DPP10: variants seen among roughly 807,000 people sequenced by gnomAD.
The protein encoded by DPP10 is inactive dipeptidyl peptidase 10.
In DPP10, 33 loss-of-function variants were observed where a neutral mutation model predicts 120.9. The observed-to-expected ratio is 0.27, with a 90% confidence interval of 0.21 to 0.37. The LOEUF is 0.37. DPP10 is among the 10% of genes least tolerant of loss of function. DPP10 has a pLI of 1.00. For missense variants in DPP10, 816 were observed against 942.8 expected, an observed-to-expected ratio of 0.87 and a Z score of 1.76; for synonymous variants, 337 against 326.1, an observed-to-expected ratio of 1.03 and a Z score of -0.36.
At chr2:115,177,090 C>G (rs907559501) in intron 1 of DPP10, among the ~76,000 whole-genome samples, 39 of 152,118 alleles carry the variant, frequency 2.6e-4, no homozygotes, top group African/African-American at 9.2e-4. Context: ...TTTTTAAATT[C>G]GTTTGTCATC....
chr2:114,925,750 G>A, intron 1 of DPP10, among the ~76,000 whole-genome samples: 1 of 152,150 alleles, frequency 6.6e-6, no homozygotes, highest in Non-Finnish European at 1.5e-5. Flanking sequence ...ATGTGTACGT[G>A]CAGGGATATG....
intron 1 of DPP10, among the ~76,000 whole-genome samples, chr2:114,523,833 C>CT (rs967557488): frequency 6.6e-6 from 1 of 152,292 alleles, no homozygotes; most frequent in Admixed American, 6.5e-5. Context: ...TCCCATCCCC[C>CT]TTTTCTCTCT....
At chr2:114,601,171 A>G (rs1487290740) in intron 1 of DPP10, among the ~76,000 whole-genome samples, 1 of 151,676 alleles carries the variant, frequency 6.6e-6, no homozygotes, top group Non-Finnish European at 1.5e-5. Context: ...CATGCTTGGC[A>G]CTCTAATGAC....
chr2:114,758,419 G>A (rs1679983342), intron 1 of DPP10, among the ~76,000 whole-genome samples: 1 of 152,020 alleles, frequency 6.6e-6, no homozygotes. Flanking sequence ...CCGATCTGAG[G>A]GTTTTTTCCC....
chr2:115,791,234 G>C (rs1296456999), intron 18 of DPP10, 53 bp from the exon 19 acceptor site: 1 of 1,605,856 alleles, frequency 6.2e-7, no homozygotes. Context: ...GCGTCTTATA[G>C]TTTTACCTGC....
At chr2:114,926,908 T>C (rs561801638) in intron 1 of DPP10, among the ~76,000 whole-genome samples, 23 of 148,262 alleles carry the variant, frequency 1.6e-4, no homozygotes, top group African/African-American at 5.5e-4. Context: ...TGGAGAGCAG[T>C]GGTGCGATCT....
chr2:115,811,950 C>A (rs1395092679), intron 19 of DPP10, among the ~76,000 whole-genome samples: 1 of 152,104 alleles, frequency 6.6e-6, no homozygotes, highest in Non-Finnish European at 1.5e-5. Context: ...GCAAAATTTT[C>A]TTCAAGTAAA....
intron 19 of DPP10, among the ~76,000 whole-genome samples, chr2:115,798,312 T>A (rs1475443047): frequency 1.3e-5 from 2 of 152,014 alleles, no homozygotes; most frequent in African/African-American, 2.4e-5. Flanking sequence ...AAAAAACATA[T>A]TAGGATATAA....
At chr2:115,215,559 T>C (rs1380270512) in intron 1 of DPP10, among the ~76,000 whole-genome samples, 1 of 152,030 alleles carries the variant, frequency 6.6e-6, no homozygotes, top group Non-Finnish European at 1.5e-5. Flanking sequence ...ACATCATTGG[T>C]GGGAATATGT....
intron 17 of DPP10, among the ~76,000 whole-genome samples, chr2:115,784,178 A>T (rs937896957): frequency 1.3e-5 from 2 of 152,198 alleles, no homozygotes; most frequent in African/African-American, 4.8e-5. Context: ...AATAGTGGTC[A>T]AGTGCTTAAT....
At chr2:115,383,301 T>C (rs1057143188) in intron 3 of DPP10, among the ~76,000 whole-genome samples, 3 of 152,146 alleles carry the variant, frequency 2.0e-5, no homozygotes, top group African/African-American at 7.2e-5. Flanking sequence ...GATATGATGG[T>C]TTTATACAGG....
chr2:114,800,756 G>A (rs866191801), intron 1 of DPP10, among the ~76,000 whole-genome samples: 3 of 152,120 alleles, frequency 2.0e-5, no homozygotes, highest in Admixed American at 2.0e-4. Flanking sequence ...TTAGGCTCAG[G>A]TAGTTATAGA....
chr2:114,680,775 C>A (rs1248842144), intron 1 of DPP10, among the ~76,000 whole-genome samples: 2 of 151,846 alleles, frequency 1.3e-5, no homozygotes, highest in Admixed American at 6.6e-5. Context: ...AGGGAATCAG[C>A]CAATCAACCA....
chr2:115,456,773 T>A (rs911932078), intron 3 of DPP10, among the ~76,000 whole-genome samples: 6 of 151,774 alleles, frequency 4.0e-5, no homozygotes, highest in African/African-American at 1.5e-4. Flanking sequence ...GAACACATGG[T>A]GAACAGTAAG....
chr2:114,855,879 C>A (rs1238052568), intron 1 of DPP10, among the ~76,000 whole-genome samples: 5 of 151,352 alleles, frequency 3.3e-5, no homozygotes, highest in Non-Finnish European at 4.4e-5. Context: ...ATGCTCTAGC[C>A]AATTTCTTGA....
chr2:115,355,335 GT>G (rs143397011), intron 3 of DPP10, among the ~76,000 whole-genome samples: 11,263 of 152,118 alleles, frequency 0.074, 478 homozygotes, highest in Middle Eastern at 0.096. Context: ...TTTTTCATAT[GT>G]TTGTTGGCCG....
At chr2:114,771,872 T>C (rs958818382) in intron 1 of DPP10, among the ~76,000 whole-genome samples, 1 of 152,152 alleles carries the variant, frequency 6.6e-6, no homozygotes, top group Non-Finnish European at 1.5e-5. Context: ...ATAAACACTT[T>C]AGATTTTTTT....
chr2:114,468,706 T>G (rs1054763055), intron 1 of DPP10, among the ~76,000 whole-genome samples: 1 of 152,154 alleles, frequency 6.6e-6, no homozygotes, highest in Non-Finnish European at 1.5e-5. Flanking sequence ...AACTTTAAAC[T>G]GCATCTTGAA....
chr2:114,965,387 T>C (rs895074279), intron 1 of DPP10, among the ~76,000 whole-genome samples: 6 of 152,056 alleles, frequency 3.9e-5, no homozygotes, highest in African/African-American at 1.4e-4. Flanking sequence ...TCCACCCACC[T>C]TGGCCTCCCA....
Sources: gnomAD v4.1 joint callset for allele counts (sites outside exome capture counted in the v4.1 genomes callset) on GRCh38, gnomAD v4.1.1 for gene constraint, MANE v1.5 for transcripts, NCBI Gene and HGNC (gene_info 2026-07-23, HGNC 2026-07-21) for gene names.